APTX: variants seen among roughly 807,000 people sequenced by gnomAD.
APTX encodes the protein aprataxin.
APTX carries 33 observed loss-of-function variants against 42.3 expected under a neutral mutation model. That is an observed-to-expected ratio of 0.78 (90% confidence interval 0.59 to 1.04). The LOEUF is 1.04. Ranked by LOEUF, APTX falls within the 50% of genes least tolerant of loss-of-function variation. The pLI, the probability that APTX is intolerant of heterozygous loss-of-function variation, is 0.00. For synonymous variants in APTX, 130 were observed against 146.7 expected (o/e 0.89, Z 0.82); for missense variants, 421 against 415.1 (o/e 1.01, Z -0.12).
chr9:33,015,021 A>G (rs1268478812), intron 1 of APTX, among the ~76,000 whole-genome samples: 1 of 152,242 alleles, frequency 6.6e-6, no homozygotes, highest in Non-Finnish European at 1.5e-5. Context: ...TTCATGGCCC[A>G]GCTGTATCAA....
intron 1 of APTX, chr9:33,019,573 A>T: frequency 5.6e-6 from 2 of 356,938 alleles, no homozygotes; most frequent in Non-Finnish European, 5.2e-6. Context: ...ACACAAAGGC[A>T]GTACAGGCCG....
At chr9:32,984,299 G>A (rs1402390781) in intron 6 of APTX, among the ~76,000 whole-genome samples, 5 of 152,156 alleles carry the variant, frequency 3.3e-5, no homozygotes, top group South Asian at 2.1e-4. Context: ...GGTTATAGAC[G>A]CTTTTGAAGA....
At position 32,973,729 on chromosome 9, in the gene APTX, A is replaced by G. The variant is rs772148494; in HGVS notation, c.875-77T>C. The stretch of plus-strand genomic sequence containing the variant: ...GAGATACCAAAAAAAAAAAAAAAAA[A>G]TCAAAAACGTGACTCCAATCAGTAT... On this transcript the variant is annotated intron_variant, in intron 7 of 7. Coordinates refer to ENST00000379817, the MANE Select transcript of APTX (RefSeq NM_001195248.2). 4.0e-5 allele frequency: 53 copies of G among 1,339,210 alleles called. No individual in the cohort carries two copies. The East Asian group carries it at 1.2e-3, about 31-fold the overall frequency. The allele number at this position is 1,339,210 out of a possible 1,614,324, so 83.0% of individuals were successfully genotyped here. A position where few individuals can be genotyped will look rare whatever the true frequency, so the allele number is the denominator to read the frequency against.
chr9:33,003,548 C>T (rs184886591), upstream of APTX, among the ~76,000 whole-genome samples: 385 of 152,184 alleles, frequency 2.5e-3, 5 homozygotes, highest in Admixed American at 0.012. Context: ...AGAAGAATTG[C>T]TTGAACCCGG....
At chr9:33,017,902 C>T (rs1161122019) in intron 1 of APTX, among the ~76,000 whole-genome samples, 1 of 149,800 alleles carries the variant, frequency 6.7e-6, no homozygotes, top group Non-Finnish European at 1.5e-5. Flanking sequence ...CCTCTAATCA[C>T]TTGGTTAGTT....
intron 1 of APTX, among the ~76,000 whole-genome samples, chr9:33,024,631 G>A (rs13296419): frequency 0.19 from 29,560 of 152,042 alleles, 3,118 homozygotes; most frequent in Middle Eastern, 0.29. Flanking sequence ...GACACACTGA[G>A]CTCAATCTGC....
In APTX at chr9:32,985,969, A is replaced by T. The variant is rs151206146; in HGVS notation, c.543+2T>A. 2 of 1,607,346 alleles carry T rather than the reference A, an allele frequency of 1.2e-6. No homozygotes were observed. The highest frequency in any genetic ancestry group is 2.7e-5 in the African/African-American group (2 of 73,332). ...ACTGAAATTCCAAAATTGTATTCTG[A>T]CCTGCATTTTGGGGTCCTGCATAGA... On this transcript the variant is annotated splice_donor_variant, in intron 5 of 7. Coordinates refer to ENST00000379817, the MANE Select transcript of APTX (RefSeq NM_001195248.2). LOFTEE classifies it high-confidence loss of function.
intron 1 of APTX, among the ~76,000 whole-genome samples, chr9:33,000,242 C>T (rs1835941558): frequency 1.3e-5 from 2 of 152,164 alleles, no homozygotes; most frequent in African/African-American, 4.8e-5. Flanking sequence ...AGCTCAGTGT[C>T]TGATAAAAAG....
intron 6 of APTX, among the ~76,000 whole-genome samples, chr9:32,982,962 T>C (rs1228099064): frequency 6.6e-6 from 1 of 152,166 alleles, no homozygotes; most frequent in Non-Finnish European, 1.5e-5. Flanking sequence ...TCTTCTTTTT[T>C]GAGACAGAGT....
intron 4 of APTX, 200 bp from the exon 5 acceptor site, chr9:32,986,230 T>A (rs77828041): frequency 1.4e-6 from 1 of 708,388 alleles, no homozygotes; most frequent in Non-Finnish European, 2.6e-6. Flanking sequence ...TCTTTTTTTT[T>A]GAGACAAAGT....
intron 1 of APTX, among the ~76,000 whole-genome samples, chr9:33,009,404 A>G (rs1238118677): frequency 1.3e-5 from 2 of 152,254 alleles, no homozygotes; most frequent in Non-Finnish European, 2.9e-5. Flanking sequence ...CAGTATATTG[A>G]GTTCCTTGAT....
upstream of APTX, among the ~76,000 whole-genome samples, chr9:33,005,153 T>G (rs946035293): frequency 5.3e-5 from 8 of 152,200 alleles, no homozygotes; most frequent in African/African-American, 1.7e-4. Context: ...CTTTATATAT[T>G]CTGGATATTG....
At chr9:33,004,853 G>A (rs1480927808), upstream of APTX, among the ~76,000 whole-genome samples, 1 of 151,490 alleles carries the variant, frequency 6.6e-6, no homozygotes, top group African/African-American at 2.4e-5. Flanking sequence ...TATTGGCCAG[G>A]CTGATCTCAA....
At chr9:32,992,392 T>C (rs1833853996) in intron 1 of APTX, among the ~76,000 whole-genome samples, 1 of 152,208 alleles carries the variant, frequency 6.6e-6, no homozygotes, top group East Asian at 1.9e-4. Flanking sequence ...AGTCCTGTAT[T>C]AGCCAGTACA....
intron 1 of APTX, among the ~76,000 whole-genome samples, chr9:33,016,898 G>T (rs1004745174): frequency 4.6e-5 from 7 of 152,128 alleles, no homozygotes; most frequent in African/African-American, 1.7e-4. Context: ...CCAGTACCTG[G>T]CACAAATTCT....
chr9:32,985,649 C>T (rs990896290), intron 5 of APTX, among the ~76,000 whole-genome samples: 1 of 152,100 alleles, frequency 6.6e-6, no homozygotes, highest in African/African-American at 2.4e-5. Context: ...CAGCACAGTA[C>T]TACTGTCACA....
intron 1 of APTX, among the ~76,000 whole-genome samples, chr9:32,994,182 A>G (rs1271389690): frequency 6.6e-6 from 1 of 152,228 alleles, no homozygotes; most frequent in Non-Finnish European, 1.5e-5. Flanking sequence ...GAAATGTTCT[A>G]AACCTGAACT....
At chr9:33,008,989 A>G (rs1837350606) in intron 1 of APTX, among the ~76,000 whole-genome samples, 2 of 152,188 alleles carry the variant, frequency 1.3e-5, no homozygotes, top group South Asian at 4.1e-4. Flanking sequence ...CTGTAAATTC[A>G]CTTTAAAATC....
chr9:32,999,749 G>C (rs1244937483), intron 1 of APTX, among the ~76,000 whole-genome samples: 1 of 152,130 alleles, frequency 6.6e-6, no homozygotes, highest in Non-Finnish European at 1.5e-5. Context: ...GCCGAGGCAG[G>C]CAGATTACGA....
Sources: allele counts gnomAD v4.1 joint callset (sites outside exome capture counted in the v4.1 genomes callset), GRCh38; gene constraint gnomAD v4.1.1; transcripts MANE v1.5; gene names NCBI Gene and HGNC (gene_info 2026-07-23, HGNC 2026-07-21).